Variants in B3GALT1 observed in about 807,000 individuals in gnomAD.
B3GALT1 encodes beta-1,3-galactosyltransferase 1, also known as UDP-Gal:betaGlcNAc beta 1,3-galactosyltransferase, polypeptide 1.
A neutral mutation model predicts 23.2 loss-of-function variants in B3GALT1; 10 were observed. The ratio of observed to expected loss-of-function variants is 0.43; its 90% CI spans 0.27 to 0.73. The LOEUF (loss-of-function observed/expected upper bound fraction) is 0.73, where lower values mean the gene tolerates loss of function less well. Among genes scored for constraint, B3GALT1 ranks in the 30% least tolerant of loss-of-function variants. The pLI, the probability that B3GALT1 is intolerant of heterozygous loss-of-function variation, is 0.21. For synonymous variants in B3GALT1, 156 were observed against 141.5 expected, an observed-to-expected ratio of 1.10 and a Z score of -0.73; for missense variants, 299 against 405.4, an observed-to-expected ratio of 0.74 and a Z score of 2.25.
intron 1 of B3GALT1, among the ~76,000 whole-genome samples, chr2:167,384,018 A>G (rs919070371): frequency 1.3e-5 from 2 of 152,218 alleles, no homozygotes; most frequent in Non-Finnish European, 2.9e-5. Context: ...TTACACATAC[A>G]TGGCTAGAGA....
intron 1 of B3GALT1, among the ~76,000 whole-genome samples, chr2:167,425,502 T>G (rs188700635): frequency 6.6e-6 from 1 of 152,204 alleles, no homozygotes; most frequent in Non-Finnish European, 1.5e-5. Context: ...TGCAGTAATA[T>G]AGTTGAGAAA....
intron 2 of B3GALT1, among the ~76,000 whole-genome samples, chr2:167,503,987 A>G (rs907218824): frequency 3.3e-5 from 5 of 152,122 alleles, no homozygotes; most frequent in South Asian, 2.1e-4. Context: ...GCCCATCTTC[A>G]GTGCTGGGTT....
At chr2:167,605,576 T>G (rs1684949100) in intron 2 of B3GALT1, among the ~76,000 whole-genome samples, 1 of 152,106 alleles carries the variant, frequency 6.6e-6, no homozygotes, top group Non-Finnish European at 1.5e-5. Context: ...AAAAAAGAAG[T>G]GTTCCCAGCA....
intron 1 of B3GALT1, among the ~76,000 whole-genome samples, chr2:167,461,401 T>G (rs1699257113): frequency 6.6e-6 from 1 of 152,146 alleles, no homozygotes; most frequent in Non-Finnish European, 1.5e-5. Flanking sequence ...ATTCTGCCAG[T>G]GCAATTGTTT....
At chr2:167,563,063 A>T (rs1242188582) in intron 2 of B3GALT1, among the ~76,000 whole-genome samples, 1 of 151,996 alleles carries the variant, frequency 6.6e-6, no homozygotes, top group Non-Finnish European at 1.5e-5. Context: ...CCACACAGAC[A>T]CGGCAACCAT....
intron 3 of B3GALT1, among the ~76,000 whole-genome samples, chr2:167,787,336 A>T (rs1688358356): frequency 2.6e-5 from 4 of 152,196 alleles, no homozygotes; most frequent in African/African-American, 7.2e-5. Flanking sequence ...CTAAAACATG[A>T]TAGCTCCTTA....
rs1165389370 is a variant in B3GALT1, at chr2:167,588,822, CTTCCTTCCTTCCTTCCTTCCTTCT to C, written c.-409-58067_-409-58044del. 1.8e-3 allele frequency among the ~76,000 whole-genome samples: 146 copies of C among 83,044 alleles called. 1 individual carries two copies. Among genetic ancestry groups the C allele is most frequent in the African/African-American group, 7.1e-3 (135 of 19,040 alleles). 54.5% of individuals were successfully genotyped at this position (83,044 alleles called of 152,430 possible). ...CTTTTTTATATAACCATTCTTTTTC[CTTCCTTCCTTCCTTCCTTCCTTCT>C]TTCCTTCCTTCCTTCCTTCTTTCCT... is the stretch of plus-strand genomic sequence containing the variant. On this transcript the variant is annotated intron_variant, in intron 2 of 4. Transcript: ENST00000392690.
Position 167,805,149 on chromosome 2 carries a change from C to A in B3GALT1, c.-351-13523C>A, listed in dbSNP as rs574767273. ...TCTTGTGAGAAGTGTCTGTTCATAT[C>A]CTTTGCCCACTTTTTGATGGGGCTG... On this transcript the variant is annotated intron_variant, in intron 3 of 4. Transcript: ENST00000392690. Among the ~76,000 whole-genome samples the A allele has an allele frequency of 5.9e-5, 9 of 152,230 alleles. No homozygotes were observed. The South Asian group carries it at 1.7e-3, about 28-fold the overall frequency.
At chr2:167,621,472 T>G (rs1286394366) in intron 2 of B3GALT1, among the ~76,000 whole-genome samples, 1 of 152,128 alleles carries the variant, frequency 6.6e-6, no homozygotes, top group Non-Finnish European at 1.5e-5. Context: ...GATGAACCTT[T>G]CTGCCACTAA....
intron 2 of B3GALT1, among the ~76,000 whole-genome samples, chr2:167,596,325 T>C (rs1684773449): frequency 6.6e-6 from 1 of 152,178 alleles, no homozygotes; most frequent in African/African-American, 2.4e-5. Context: ...ACTCTAGATA[T>C]GGTTACATTT....
At chr2:167,605,087 C>T (rs1684940117) in intron 2 of B3GALT1, among the ~76,000 whole-genome samples, 1 of 152,180 alleles carries the variant, frequency 6.6e-6, no homozygotes, top group Non-Finnish European at 1.5e-5. Context: ...GGCAAAGCGC[C>T]TACTTCCCTA....
At chr2:167,632,914 G>A (rs1421526334) in intron 2 of B3GALT1, among the ~76,000 whole-genome samples, 2 of 151,868 alleles carry the variant, frequency 1.3e-5, no homozygotes, top group Non-Finnish European at 2.9e-5. Flanking sequence ...TTCTTCTAGG[G>A]GTTTTATGGT....
At chr2:167,819,751 A>C (rs2105363644) in intron 4 of B3GALT1, among the ~76,000 whole-genome samples, 1 of 152,250 alleles carries the variant, frequency 6.6e-6, no homozygotes, top group South Asian at 2.1e-4. Context: ...CCTGTGAGCT[A>C]TTTTTCCAAA....
intron 3 of B3GALT1, among the ~76,000 whole-genome samples, chr2:167,705,808 A>G (rs558870594): frequency 2.2e-4 from 33 of 152,338 alleles, no homozygotes; most frequent in African/African-American, 7.9e-4. Flanking sequence ...GGTAGCCACT[A>G]ACCACATGTG....
At chr2:167,637,008 G>A (rs1449857864) in intron 2 of B3GALT1, among the ~76,000 whole-genome samples, 2 of 151,642 alleles carry the variant, frequency 1.3e-5, no homozygotes, top group African/African-American at 2.4e-5. Context: ...AAAAATAGAA[G>A]GTAGGTACTC....
At chr2:167,741,169 C>A (rs1411638670) in intron 3 of B3GALT1, among the ~76,000 whole-genome samples, 1 of 151,984 alleles carries the variant, frequency 6.6e-6, no homozygotes, top group African/African-American at 2.4e-5. Flanking sequence ...CAGATGACAC[C>A]CCAGAATGTA....
intron 1 of B3GALT1, among the ~76,000 whole-genome samples, chr2:167,342,159 A>G (rs1231046308): frequency 1.6e-4 from 25 of 152,198 alleles, no homozygotes; most frequent in Admixed American, 1.6e-3. Flanking sequence ...TTTAAAATCT[A>G]AGGCTCCATG....
At chr2:167,510,406 TG>T (rs1172758747) in intron 2 of B3GALT1, among the ~76,000 whole-genome samples, 45 of 148,270 alleles carry the variant, frequency 3.0e-4, no homozygotes, top group African/African-American at 8.4e-4. Flanking sequence ...TTGCAAGTTT[TG>T]TTTTTTTTTT....
chr2:167,465,809 A>G (rs1312824230), intron 1 of B3GALT1, among the ~76,000 whole-genome samples: 1 of 152,206 alleles, frequency 6.6e-6, no homozygotes. Flanking sequence ...GCACCAAGTG[A>G]TAAAATATAA....
Sources: allele counts gnomAD v4.1 joint callset (sites outside exome capture counted in the v4.1 genomes callset), GRCh38; gene constraint gnomAD v4.1.1; transcripts MANE v1.5; gene names NCBI Gene and HGNC (gene_info 2026-07-23, HGNC 2026-07-21).